Variants in FMN2 observed in about 807,000 individuals in gnomAD.
FMN2 encodes the protein formin-2.
In FMN2, 51 loss-of-function variants were observed where a neutral mutation model predicts 142.3. The observed-to-expected ratio is 0.36, with a 90% CI of 0.29 to 0.45. The LOEUF (loss-of-function observed/expected upper bound fraction) is 0.45, where lower values mean the gene tolerates loss of function less well. Among genes scored for constraint, FMN2 ranks in the 20% least tolerant of loss-of-function variants. The pLI is 1.00. For synonymous variants in FMN2, 882 were observed against 869.8 expected (o/e 1.01, Z -0.25); for missense variants, 1,936 against 2,122.8 (o/e 0.91, Z 1.73).
At chr1:240,094,211 G>A (rs112535643) in intron 1 of FMN2, among the ~76,000 whole-genome samples, 2 of 152,280 alleles carry the variant, frequency 1.3e-5, no homozygotes, top group African/African-American at 4.8e-5. Context: ...ATAGCTGTGT[G>A]TATTTGTCCA....
chr1:240,140,019 T>A (rs1663113214), intron 2 of FMN2, among the ~76,000 whole-genome samples: 1 of 152,044 alleles, frequency 6.6e-6, no homozygotes, highest in Non-Finnish European at 1.5e-5. Context: ...GATAAATTGG[T>A]TTCAGTTGGT....
intron 14 of FMN2, among the ~76,000 whole-genome samples, chr1:240,380,581 G>A (rs1364236153): frequency 6.6e-6 from 1 of 151,928 alleles, no homozygotes; most frequent in Non-Finnish European, 1.5e-5. Flanking sequence ...CTGGGATGCA[G>A]CAAAACAGTG....
chr1:240,433,749 A>T (rs1481515995), intron 15 of FMN2, among the ~76,000 whole-genome samples: 1 of 152,038 alleles, frequency 6.6e-6, no homozygotes, highest in Non-Finnish European at 1.5e-5. Context: ...TGCTTTTAGG[A>T]GAGATTTCCT....
intron 15 of FMN2, among the ~76,000 whole-genome samples, chr1:240,410,362 T>G (rs978341262): frequency 6.6e-6 from 1 of 152,162 alleles, no homozygotes. Flanking sequence ...TCTGAAAAAT[T>G]GAAAATCAGT....
chr1:240,220,913 T>A (rs960549013), intron 6 of FMN2, among the ~76,000 whole-genome samples: 2 of 151,964 alleles, frequency 1.3e-5, no homozygotes, highest in Non-Finnish European at 2.9e-5. Flanking sequence ...TTCTGCTCCA[T>A]GTGTCCATGT....
At chr1:240,232,556 C>A (rs1667564595) in intron 6 of FMN2, among the ~76,000 whole-genome samples, 1 of 152,168 alleles carries the variant, frequency 6.6e-6, no homozygotes, top group African/African-American at 2.4e-5. Flanking sequence ...TTAGATTGTT[C>A]AAGAATCTCT....
intron 16 of FMN2, among the ~76,000 whole-genome samples, chr1:240,441,826 C>T (rs1178007343): frequency 6.6e-6 from 1 of 152,052 alleles, no homozygotes; most frequent in Non-Finnish European, 1.5e-5. Context: ...ACCTTTGGAA[C>T]AGACATGGAA....
chr1:240,445,369 T>C (rs910605913), intron 16 of FMN2, among the ~76,000 whole-genome samples: 4 of 152,180 alleles, frequency 2.6e-5, no homozygotes, highest in Non-Finnish European at 5.9e-5. Flanking sequence ...CAGGGAGTCA[T>C]CTTGCAGAAT....
chr1:240,231,547 C>T (rs762802811), intron 6 of FMN2, among the ~76,000 whole-genome samples: 15 of 152,198 alleles, frequency 9.9e-5, no homozygotes, highest in Non-Finnish European at 2.1e-4. Context: ...AGGAAAAGCA[C>T]AGCTTCTGAA....
At chr1:240,176,514 G>T (rs1664919596) in intron 2 of FMN2, among the ~76,000 whole-genome samples, 2 of 152,166 alleles carry the variant, frequency 1.3e-5, no homozygotes, top group South Asian at 4.1e-4. Flanking sequence ...GCACTCTCCG[G>T]CTGTCACACC....
At chr1:240,399,746 C>A (rs1027447650) in intron 15 of FMN2, among the ~76,000 whole-genome samples, 1 of 152,128 alleles carries the variant, frequency 6.6e-6, no homozygotes, top group African/African-American at 2.4e-5. Flanking sequence ...GTGTAGCCAA[C>A]CGAGAATGCT....
intron 2 of FMN2, among the ~76,000 whole-genome samples, chr1:240,148,494 AAGAG>A (rs1042179339): frequency 1.7e-5 from 2 of 115,358 alleles, no homozygotes; most frequent in East Asian, 2.4e-4. Context: ...GAGAGAGAGA[AAGAG>A]AGGAGAGAGA....
At chr1:240,241,908 C>T (rs1161526560) in intron 6 of FMN2, among the ~76,000 whole-genome samples, 4 of 148,768 alleles carry the variant, frequency 2.7e-5, no homozygotes, top group Admixed American at 6.8e-5. Flanking sequence ...CTGCAAGCTC[C>T]GATCTCGGCT....
chr1:240,263,099 C>A (rs2102905822), intron 7 of FMN2, among the ~76,000 whole-genome samples: 1 of 152,304 alleles, frequency 6.6e-6, no homozygotes, highest in East Asian at 1.9e-4. Flanking sequence ...TGTCACCCTA[C>A]TACCAGATCG....
chr1:240,161,865 C>T (rs944382941), intron 2 of FMN2, among the ~76,000 whole-genome samples: 1 of 152,114 alleles, frequency 6.6e-6, no homozygotes, highest in African/African-American at 2.4e-5. Flanking sequence ...AACAAACCTT[C>T]TGGAAGATAA....
intron 7 of FMN2, among the ~76,000 whole-genome samples, chr1:240,266,305 G>A (rs1668801707): frequency 6.6e-6 from 1 of 151,924 alleles, no homozygotes; most frequent in Non-Finnish European, 1.5e-5. Context: ...GGGGGGTCCA[G>A]TTTCATTCTT....
intron 7 of FMN2, among the ~76,000 whole-genome samples, chr1:240,268,984 A>G (rs993090686): frequency 3.3e-5 from 5 of 151,986 alleles, no homozygotes; most frequent in African/African-American, 1.2e-4. Flanking sequence ...ATTTGCAAAT[A>G]TTTTCTCCCA....
intron 4 of FMN2, among the ~76,000 whole-genome samples, chr1:240,206,314 CATA>C (rs1558359434): frequency 6.6e-6 from 1 of 152,134 alleles, no homozygotes; most frequent in African/African-American, 2.4e-5. Flanking sequence ...GGCACATGCT[CATA>C]ATGCATTTGT....
chr1:240,305,707 A>G (rs1670363841), intron 8 of FMN2, among the ~76,000 whole-genome samples: 1 of 152,202 alleles, frequency 6.6e-6, no homozygotes, highest in South Asian at 2.1e-4. Context: ...AATGCCAAGG[A>G]ATGTGTCTAT....
Sources: gnomAD v4.1 joint callset for allele counts (sites outside exome capture counted in the v4.1 genomes callset) on GRCh38, gnomAD v4.1.1 for gene constraint, MANE v1.5 for transcripts, NCBI Gene and HGNC (gene_info 2026-07-23, HGNC 2026-07-21) for gene names.